The following PNO1 variants were observed in gnomAD, a reference collection of about 807,000 sequenced individuals.
PNO1 encodes partner of NOB1 homolog, also known as RNA-binding protein PNO1.
In PNO1, 16 loss-of-function variants were observed where a neutral mutation model predicts 28.4. That is an observed-to-expected ratio of 0.56 (90% CI 0.38 to 0.85). The LOEUF is 0.85. Among genes scored for constraint, PNO1 ranks in the 40% least tolerant of loss-of-function variants. The probability of loss-of-function intolerance (pLI) is 0.00; values close to 1 mark genes in which losing one functional copy is unlikely to be tolerated. For synonymous variants in PNO1, 115 were observed against 110.8 expected, an observed-to-expected ratio of 1.04 and a Z score of -0.24; for missense variants, 304 against 312.2, an observed-to-expected ratio of 0.97 and a Z score of 0.20.
chr2:68,162,162 A>C, intron 3 of PNO1, 103 bp from the exon 4 acceptor site: 10 of 815,538 alleles, frequency 1.2e-5, no homozygotes, highest in Non-Finnish European at 1.8e-5. Flanking sequence ...AAAGCTTTCT[A>C]GCTCTAGAGT....
chr2:68,158,996 A>T (rs1572935163), intron 2 of PNO1, among the ~76,000 whole-genome samples: 1 of 152,178 alleles, frequency 6.6e-6, no homozygotes, highest in East Asian at 1.9e-4. Context: ...ATATTTGTTT[A>T]TATATTTTTT....
rs868718983 is a variant in PNO1, at chr2:68,158,071, G to T, written c.137G>T (p.Arg46Leu). 8 of 1,613,506 alleles carry T rather than the reference G, an allele frequency of 5.0e-6. No individual in the cohort carries two copies. In the African/African-American group the frequency reaches 9.3e-5, roughly 19 times the overall value. The stretch of plus-strand genomic sequence containing the variant: ...GCAGGAGAGGGCGGGGATGCGGGCC[G>T]CATGGACACAGAGGAGGCCAGGCCG... ...SAAGEGGDAG[R>L]MDTEEARPAK... Residue 46 changes from arginine (R) to leucine (L), a missense_variant, in exon 1 of 7, where the codon CGC (arginine) becomes CTC (leucine). Coordinates refer to ENST00000263657, the MANE Select transcript of PNO1 (RefSeq NM_020143.4).
Position 68,175,489 on chromosome 2 carries a change from G to A in PNO1, c.*687G>A, listed in dbSNP as rs1436764610. 2 of 152,490 alleles carry A rather than the reference G, an allele frequency of 1.3e-5. No individual in the cohort carries two copies. The highest frequency in any genetic ancestry group is 2.9e-5 in the Non-Finnish European group (2 of 68,328). The allele number at this position is 152,490 out of a possible 1,614,324, so 9.4% of individuals were successfully genotyped here. A position where few individuals can be genotyped will look rare whatever the true frequency, so the allele number is the denominator to read the frequency against. On this transcript the variant is annotated 3_prime_UTR_variant, in exon 7 of 7. Coordinates refer to ENST00000263657, the MANE Select transcript of PNO1 (RefSeq NM_020143.4). ...TTGACCAGGCTGGTCTTGAACTCCTGGCCTCAAGGGATCCGTCCGCCTCAG... is the reference window on the plus strand; with the variant it reads ...TTGACCAGGCTGGTCTTGAACTCCTAGCCTCAAGGGATCCGTCCGCCTCAG...
intron 5 of PNO1, chr2:68,173,083 CTTTTTTTT>C (rs200879340): frequency 2.9e-4 from 33 of 111,916 alleles, no homozygotes; most frequent in East Asian, 1.2e-3. Flanking sequence ...TCTACAATGT[CTTTTTTTT>C]TTTTTTTTTT....
At chr2:68,166,688 G>C (rs1240816336) in intron 5 of PNO1, among the ~76,000 whole-genome samples, 4 of 152,120 alleles carry the variant, frequency 2.6e-5, no homozygotes, top group Admixed American at 6.6e-5. Context: ...TTTAGTTTCA[G>C]TGCCCACGTC....
chr2:68,173,498 G>T (rs1674185988), intron 6 of PNO1, 81 bp downstream of exon 6: 6 of 839,274 alleles, frequency 7.1e-6, no homozygotes, highest in Non-Finnish European at 1.2e-5. Context: ...CATTTGCAAA[G>T]CAATTTAGGG....
chr2:68,163,389 G>A lies in PNO1; in HGVS notation c.620+726G>A, dbSNP rs762012626. 4.4e-4 allele frequency among the ~76,000 whole-genome samples: 67 copies of A among 152,112 alleles called. 1 individual carries two copies. The highest frequency in any genetic ancestry group is 7.6e-4 in the Non-Finnish European group (52 of 67,982). ...TCTACTAAAAATACAAAAATTAGCC[G>A]GGCATGTGGCATACGCCTTTAGTCC... is the stretch of plus-strand genomic sequence containing the variant. On this transcript the variant is annotated intron_variant, in intron 5 of 6. Transcript: ENST00000263657.
In PNO1 at chr2:68,158,529, G is replaced by A. The variant is rs1673736753; in HGVS notation, c.357G>A (p.Arg119=). 2 of 1,610,436 alleles carry A rather than the reference G, an allele frequency of 1.2e-6. No homozygotes were observed. Among genetic ancestry groups the A allele is most frequent in the East Asian group, 2.2e-5 (1 of 44,822 alleles). Residue 119 remains arginine, a splice_region_variant and synonymous_variant, in exon 2 of 7, where the codon AGG becomes AGA. Coordinates refer to ENST00000263657, the MANE Select transcript of PNO1 (RefSeq NM_020143.4). ...TGAAATCAAGGAATGTAGAAATCAGGGTAAGGAAAATCTCAATCATTTCCC... is the reference window on the plus strand; with the variant it reads ...TGAAATCAAGGAATGTAGAAATCAGAGTAAGGAAAATCTCAATCATTTCCC... ...FNLKSRNVEI[R]TCKETKDVSA...
Position 68,175,121 on chromosome 2 carries a change from A to G in PNO1, c.*319A>G. ...GGAAACTTCTTGTTTAAACAGCTCT[A>G]TATGGATTTATACTTTTATATTTAT... On this transcript the variant is annotated 3_prime_UTR_variant, in exon 7 of 7. Transcript: ENST00000263657. 1 of 199,408 alleles carries G rather than the reference A, an allele frequency of 5.0e-6. No homozygotes were observed. The highest frequency in any genetic ancestry group is 1.2e-4 in the East Asian group (1 of 8,404). The allele number at this position is 199,408 out of a possible 1,614,324, so 12.4% of individuals were successfully genotyped here.
chr2:68,164,965 A>G (rs994332251), intron 5 of PNO1, among the ~76,000 whole-genome samples: 1 of 152,160 alleles, frequency 6.6e-6, no homozygotes, highest in Admixed American at 6.5e-5. Flanking sequence ...ACTGAAGAGC[A>G]TTCCGAGTGT....
intron 2 of PNO1, among the ~76,000 whole-genome samples, chr2:68,160,482 C>G (rs1673804268): frequency 6.6e-6 from 1 of 152,160 alleles, no homozygotes; most frequent in African/African-American, 2.4e-5. Context: ...ATGGTATGTC[C>G]ATTTTTCAGT....
intron 2 of PNO1, among the ~76,000 whole-genome samples, chr2:68,160,399 T>A (rs1673800773): frequency 6.6e-6 from 1 of 152,218 alleles, no homozygotes. Flanking sequence ...AGAGGTCCGC[T>A]CCTCCCTACT....
chr2:68,165,205 A>C (rs558796705), intron 5 of PNO1, among the ~76,000 whole-genome samples: 156 of 151,742 alleles, frequency 1.0e-3, no homozygotes, highest in African/African-American at 3.4e-3. Flanking sequence ...TCTACTAAAA[A>C]TACAAAAAAT....
intron 5 of PNO1, among the ~76,000 whole-genome samples, chr2:68,165,080 C>T (rs1673939908): frequency 6.6e-6 from 1 of 151,898 alleles, no homozygotes; most frequent in African/African-American, 2.4e-5. Context: ...TTTAGAAATC[C>T]ATGGCCCGGC....
At position 68,158,149 on chromosome 2, in the gene PNO1, G is replaced by A; in HGVS notation, c.207+8G>A. The A allele has an allele frequency of 1.3e-6, 2 of 1,587,764 alleles. No individual in the cohort carries two copies. The highest frequency in any genetic ancestry group is 1.7e-6 in the Non-Finnish European group (2 of 1,166,542). The stretch of plus-strand genomic sequence containing the variant: ...TGTGGGGACGGGCTCCTGGTATGTG[G>A]CTGGGACCCTAGGACAGCAACGAGG... On this transcript the variant is annotated splice_region_variant and intron_variant, in intron 1 of 6. Coordinates refer to ENST00000263657, the MANE Select transcript of PNO1 (RefSeq NM_020143.4).
chr2:68,157,915 G>A lies in PNO1; in HGVS notation c.-20G>A. 1 of 1,610,382 alleles carries A rather than the reference G, an allele frequency of 6.2e-7. No homozygotes were observed. The highest frequency in any genetic ancestry group is 8.5e-7 in the Non-Finnish European group (1 of 1,177,148). ...AGCTGCGCACGTGTTTCAGCCGGCA[G>A]CGCTTTAAGATTTCCGGGGATGGAA... On this transcript the variant is annotated 5_prime_UTR_variant, in exon 1 of 7. Coordinates refer to ENST00000263657, the MANE Select transcript of PNO1 (RefSeq NM_020143.4).
intron 2 of PNO1, among the ~76,000 whole-genome samples, chr2:68,159,007 TC>T (rs2103662955): frequency 6.6e-6 from 1 of 152,326 alleles, no homozygotes; most frequent in Non-Finnish European, 1.5e-5. Context: ...TATATTTTTT[TC>T]ATATGGAAAA....
rs543846420 is a variant in PNO1, at chr2:68,163,540, AATACATACATACATAC to A, written c.620+906_620+921del. On this transcript the variant is annotated intron_variant, in intron 5 of 6. Transcript: ENST00000263657. ...AGTGAGACTCTGTCTCAAATAAATA[AATACATACATACATAC>A]ATACATACATACATACATACATACA... is the stretch of plus-strand genomic sequence containing the variant. Among the ~76,000 whole-genome samples the A allele has an allele frequency of 6.6e-3, 903 of 136,162 alleles. 34 individuals are homozygous for A. Among genetic ancestry groups the A allele is most frequent in the Admixed American group, 0.059 (794 of 13,528 alleles). 89.3% of individuals were successfully genotyped at this position (136,162 alleles called of 152,430 possible). A position where few individuals can be genotyped will look rare whatever the true frequency, so the allele number is the denominator to read the frequency against.
intron 1 of PNO1, 81 bp from the exon 2 acceptor site, chr2:68,158,299 C>A: frequency 7.0e-7 from 1 of 1,423,188 alleles, no homozygotes; most frequent in Non-Finnish European, 9.6e-7. Flanking sequence ...TTAAAGGAGG[C>A]CCTTTGTGGA....
Sources: allele counts gnomAD v4.1 joint callset (sites outside exome capture counted in the v4.1 genomes callset), GRCh38; gene constraint gnomAD v4.1.1; transcripts MANE v1.5; gene names NCBI Gene and HGNC (gene_info 2026-07-23, HGNC 2026-07-21).